Variants in TENM2 observed in about 807,000 individuals in gnomAD.
The protein encoded by TENM2 is teneurin-2.
In TENM2, 52 loss-of-function variants were observed where a neutral mutation model predicts 245.2. The ratio of observed to expected loss-of-function variants is 0.21; its 90% CI spans 0.17 to 0.27. The LOEUF (loss-of-function observed/expected upper bound fraction) is 0.27. Ranked by LOEUF, TENM2 falls within the 10% of genes least tolerant of loss-of-function variation. The pLI is 1.00. For missense variants in TENM2, 3,046 were observed against 3,666.8 expected (o/e 0.83, Z 4.37); for synonymous variants, 1,363 against 1,438.9 (o/e 0.95, Z 1.19).
At chr5:167,579,037 C>T (rs578026147) in intron 2 of TENM2, among the ~76,000 whole-genome samples, 11 of 152,316 alleles carry the variant, frequency 7.2e-5, no homozygotes, top group African/African-American at 2.6e-4. Context: ...GAGTGACTTT[C>T]CTTGTCCTCC....
chr5:168,103,399 G>A (rs1416944120), intron 9 of TENM2, among the ~76,000 whole-genome samples: 1 of 152,064 alleles, frequency 6.6e-6, no homozygotes, highest in Non-Finnish European at 1.5e-5. Flanking sequence ...TCCTAACTTT[G>A]CCCTTTCTTT....
intron 18 of TENM2, 79 bp from the exon 21 acceptor site, chr5:168,204,293 C>G: frequency 6.8e-7 from 1 of 1,463,116 alleles, no homozygotes; most frequent in Admixed American, 2.0e-5. Context: ...TTTGTCTCTT[C>G]CCCTCCCTCC....
At chr5:167,857,588 A>G (rs1771208830) in intron 2 of TENM2, among the ~76,000 whole-genome samples, 1 of 152,076 alleles carries the variant, frequency 6.6e-6, no homozygotes, top group Non-Finnish European at 1.5e-5. Context: ...CATACTGCAT[A>G]TACTATTTGT....
rs1295676400 is a variant in TENM2 at position 167,825,818 on chromosome 5, T to C, written c.503-50168T>C. Among the ~76,000 whole-genome samples, 3 of 150,704 alleles carry C rather than the reference T, an allele frequency of 2.0e-5. 1 individual carries two copies. The highest frequency in any genetic ancestry group is 1.5e-5 in the Non-Finnish European group (1 of 67,842). ...TGCGCTCATTTATCTGTCTGAATAG[T>C]GGATAGTAATACTTCTCAGCTCCAT... On this transcript the variant is annotated intron_variant, in intron 2 of 28. Transcript: ENST00000518659.
chr5:168,107,673 A>T (rs1022570579), intron 9 of TENM2, among the ~76,000 whole-genome samples: 7 of 152,086 alleles, frequency 4.6e-5, no homozygotes, highest in Admixed American at 4.6e-4. Context: ...GTCACCTCCC[A>T]CTGAGGCCTG....
chr5:167,746,462 G>T (rs6895940), intron 2 of TENM2, among the ~76,000 whole-genome samples: 1 of 151,880 alleles, frequency 6.6e-6, no homozygotes, highest in African/African-American at 2.4e-5. Context: ...GAAACAAAAG[G>T]TGAATGACAA....
chr5:167,788,647 A>G (rs1726987025), intron 2 of TENM2, among the ~76,000 whole-genome samples: 2 of 152,228 alleles, frequency 1.3e-5, no homozygotes, highest in Admixed American at 6.5e-5. Flanking sequence ...TCATGTATTA[A>G]TTAAGGCAAT....
chr5:167,914,229 C>T (rs1328638747), intron 3 of TENM2, among the ~76,000 whole-genome samples: 1 of 152,196 alleles, frequency 6.6e-6, no homozygotes, highest in Non-Finnish European at 1.5e-5. Flanking sequence ...TAAAAACACA[C>T]ATTTATTATC....
chr5:167,029,836 A>C, the TENM2 span, among the ~76,000 whole-genome samples: 1 of 152,182 alleles, frequency 6.6e-6, no homozygotes, highest in African/African-American at 2.4e-5. Context: ...AAACAAAGGA[A>C]ACATTTTATT....
chr5:167,563,058 G>A (rs1327328472), intron 2 of TENM2, among the ~76,000 whole-genome samples: 1 of 151,626 alleles, frequency 6.6e-6, no homozygotes, highest in Non-Finnish European at 1.5e-5. Context: ...CTGGGCACAT[G>A]CCTAGGTACT....
intron 1 of TENM2, among the ~76,000 whole-genome samples, chr5:167,342,628 C>A (rs1258307073): frequency 2.0e-5 from 3 of 146,784 alleles, no homozygotes; most frequent in African/African-American, 7.5e-5. Context: ...CCCGGGTTCA[C>A]GCCATTCTCC....
chr5:167,217,234 A>G, the TENM2 span, among the ~76,000 whole-genome samples: 520 of 152,270 alleles, frequency 3.4e-3, 4 homozygotes, highest in African/African-American at 0.012. Context: ...CAGAAAAGTA[A>G]GTGGCCTGTA....
At chr5:167,961,597 T>G (rs1273650352) in intron 4 of TENM2, among the ~76,000 whole-genome samples, 1 of 152,208 alleles carries the variant, frequency 6.6e-6, no homozygotes, top group Non-Finnish European at 1.5e-5. Flanking sequence ...CCATTATCAA[T>G]CAGTTGTTAT....
chr5:167,220,035 A>G, the TENM2 span, among the ~76,000 whole-genome samples: 5 of 152,362 alleles, frequency 3.3e-5, no homozygotes, highest in South Asian at 1.0e-3. Flanking sequence ...TGATTTGAGT[A>G]TATACAGAAG....
chr5:167,243,807 A>G, the TENM2 span, among the ~76,000 whole-genome samples: 9 of 152,102 alleles, frequency 5.9e-5, no homozygotes, highest in African/African-American at 1.9e-4. Flanking sequence ...TTGATATCCA[A>G]TTGATCTCAA....
At chr5:168,036,291 T>C (rs952544592) in intron 5 of TENM2, among the ~76,000 whole-genome samples, 1 of 152,182 alleles carries the variant, frequency 6.6e-6, no homozygotes, top group African/African-American at 2.4e-5. Flanking sequence ...ATCATGTGCC[T>C]TTAGCACCAA....
intron 3 of TENM2, among the ~76,000 whole-genome samples, chr5:167,925,662 C>A (rs1777698885): frequency 6.6e-6 from 1 of 152,174 alleles, no homozygotes; most frequent in African/African-American, 2.4e-5. Flanking sequence ...CATAAATGTT[C>A]ATCGCAGCAC....
At chr5:167,571,505 C>T (rs1774261433) in intron 2 of TENM2, among the ~76,000 whole-genome samples, 1 of 152,004 alleles carries the variant, frequency 6.6e-6, no homozygotes, top group Admixed American at 6.6e-5. Flanking sequence ...AATCACCTAG[C>T]CCCCCACCCT....
At chr5:167,214,656 G>A in the TENM2 span, among the ~76,000 whole-genome samples, 2 of 152,138 alleles carry the variant, frequency 1.3e-5, no homozygotes, top group African/African-American at 4.8e-5. Flanking sequence ...AAGTAGAGTT[G>A]ACATTCTGAT....
Sources: allele counts gnomAD v4.1 joint callset (sites outside exome capture counted in the v4.1 genomes callset), GRCh38; gene constraint gnomAD v4.1.1; transcripts MANE v1.5; gene names NCBI Gene and HGNC (gene_info 2026-07-23, HGNC 2026-07-21).